The following CYFIP2 variants were observed in gnomAD, a reference collection of about 807,000 sequenced individuals.
CYFIP2 encodes cytoplasmic FMR1-interacting protein 2.
A neutral mutation model predicts 158.7 loss-of-function variants in CYFIP2; 29 were observed. That is an observed-to-expected ratio of 0.18 (90% CI 0.14 to 0.25). The LOEUF is 0.25. CYFIP2 is among the 10% of genes least tolerant of loss of function. The probability of loss-of-function intolerance (pLI) is 1.00; values close to 1 mark genes in which losing one functional copy is unlikely to be tolerated. For missense variants in CYFIP2, 852 were observed against 1,639.5 expected, an observed-to-expected ratio of 0.52 and a Z score of 8.29; for synonymous variants, 585 against 617.6, an observed-to-expected ratio of 0.95 and a Z score of 0.78.
intron 26 of CYFIP2, chr5:157,363,213 G>T (rs1383951064): frequency 6.6e-6 from 1 of 152,206 alleles, no homozygotes; most frequent in African/African-American, 2.4e-5. Flanking sequence ...TCCTACAGGT[G>T]TCGAGGTAAC....
intron 19 of CYFIP2, among the ~76,000 whole-genome samples, chr5:157,330,337 T>C (rs1198740034): frequency 6.6e-6 from 1 of 151,922 alleles, no homozygotes; most frequent in African/African-American, 2.4e-5. Context: ...TGTTACCTAT[T>C]ATCTGAAATT....
chr5:157,315,054 G>A lies in CYFIP2; in HGVS notation c.1316G>A (p.Arg439His). ...GTAEEYERATRYNYTSEEKFA... is the reference protein window; with the variant it reads ...GTAEEYERATHYNYTSEEKFA... ...GCGGAGGAATATGAGAGAGCCACAC[G>A]CTACAATTACACCAGTGAGGAAAAA... is the stretch of plus-strand genomic sequence containing the variant. Residue 439 changes from arginine to histidine, a missense_variant, in exon 13 of 31, where the codon CGC (arginine) becomes CAC (histidine). Physicochemically the swap from Arg to His is conservative, Grantham distance 29. This residue lies in a region of CYFIP2 where 167 missense variants were observed against 343.3 expected (regional missense o/e 0.49). Coordinates refer to ENST00000620254, the MANE Select transcript of CYFIP2 (RefSeq NM_001037333.3). The A allele has an allele frequency of 6.2e-7, 1 of 1,613,258 alleles. No individual in the cohort carries two copies. The highest frequency in any genetic ancestry group is 8.5e-7 in the Non-Finnish European group (1 of 1,179,672).
At chr5:157,329,289 T>C (rs905964254) in intron 19 of CYFIP2, among the ~76,000 whole-genome samples, 9 of 152,188 alleles carry the variant, frequency 5.9e-5, no homozygotes, top group African/African-American at 1.7e-4. Context: ...TAACAGTGAG[T>C]TGAGTTTCTG....
intron 13 of CYFIP2, 58 bp from the exon 14 acceptor site, chr5:157,319,704 A>C: frequency 6.3e-7 from 1 of 1,591,996 alleles, no homozygotes; most frequent in Non-Finnish European, 8.6e-7. Context: ...GGTGATGGGT[A>C]GTAGACAGCT....
At chr5:157,314,860 A>T in intron 12 of CYFIP2, 109 bp from the exon 13 acceptor site, 1 of 888,118 alleles carries the variant, frequency 1.1e-6, no homozygotes, top group Non-Finnish European at 1.7e-6. Context: ...ATGAATCAGT[A>T]CTTTATTCCT....
chr5:157,326,065 G>A, intron 17 of CYFIP2, 106 bp from the exon 18 acceptor site: 1 of 857,874 alleles, frequency 1.2e-6, no homozygotes, highest in Non-Finnish European at 1.9e-6. Flanking sequence ...ATGAAAGATG[G>A]TCTTTTCCTG....
At position 157,394,874 on chromosome 5, in the gene CYFIP2, A is replaced by T. The variant is rs1767622268; in HGVS notation, c.*1874A>T. On this transcript the variant is annotated 3_prime_UTR_variant, in exon 31 of 31. Transcript: ENST00000620254. The stretch of plus-strand genomic sequence containing the variant: ...GATGTGTTCCAGAGGCAAAAGAGAC[A>T]CATTATCCCAGATGGCAGAACATGC... 6.6e-6 allele frequency: 1 copy of T among 152,336 alleles called. No homozygotes were observed. The highest frequency in any genetic ancestry group is 2.4e-5 in the African/African-American group (1 of 41,456). The allele number at this position is 152,336 out of a possible 1,614,324, so 9.4% of individuals were successfully genotyped here.
At chr5:157,310,498 G>A (rs1759620195) in intron 10 of CYFIP2, among the ~76,000 whole-genome samples, 1 of 152,234 alleles carries the variant, frequency 6.6e-6, no homozygotes, top group Admixed American at 6.5e-5. Flanking sequence ...GAGTGTCCTT[G>A]AACTGCATCC....
At chr5:157,338,975 G>A in intron 21 of CYFIP2, 82 bp from the exon 22 acceptor site, 1 of 1,405,152 alleles carries the variant, frequency 7.1e-7, no homozygotes, top group South Asian at 1.4e-5. Context: ...TCACTTGCGT[G>A]AACAGAAGCA....
chr5:157,300,548 A>G (rs1320650430), intron 5 of CYFIP2, among the ~76,000 whole-genome samples, 167 bp from the exon 6 acceptor site: 1 of 151,512 alleles, frequency 6.6e-6, no homozygotes, highest in Non-Finnish European at 1.5e-5. Flanking sequence ...AAAAAAAAAA[A>G]AGAAAAAAAG....
At position 157,307,657 on chromosome 5, in the gene CYFIP2, A is replaced by ATGTATG. The variant is rs1759356952; in HGVS notation, c.796-101_796-100insATGTGT. The stretch of plus-strand genomic sequence containing the variant: ...ACAGGGTGTGTGTGTGTGTGTGTGT[A>ATGTATG]TGTGTGTGTGTGTGTGTGACACATA... On this transcript the variant is annotated intron_variant, in intron 8 of 30. Coordinates refer to ENST00000620254, the MANE Select transcript of CYFIP2 (RefSeq NM_001037333.3). The ATGTATG allele has an allele frequency of 3.4e-5, 9 of 266,728 alleles. No homozygotes were observed. In the African/African-American group the frequency reaches 3.5e-4, roughly 10 times the overall value. The allele number at this position is 266,728 out of a possible 1,614,324, so 16.5% of individuals were successfully genotyped here. A position where few individuals can be genotyped will look rare whatever the true frequency, so the allele number is the denominator to read the frequency against.
chr5:157,363,192 A>G (rs1461589703), intron 26 of CYFIP2: 1 of 152,266 alleles, frequency 6.6e-6, no homozygotes, highest in South Asian at 2.1e-4. Flanking sequence ...TGGTGCTCCC[A>G]GTCGGCCCAG....
intron 20 of CYFIP2, among the ~76,000 whole-genome samples, chr5:157,332,885 A>G (rs543365642): frequency 6.6e-6 from 1 of 152,338 alleles, no homozygotes; most frequent in African/African-American, 2.4e-5. Context: ...GGTTCAAGCT[A>G]TCCTCCTGTT....
At chr5:157,334,267 G>A (rs1376183247) in intron 21 of CYFIP2, among the ~76,000 whole-genome samples, 1 of 152,214 alleles carries the variant, frequency 6.6e-6, no homozygotes, top group Admixed American at 6.5e-5. Context: ...GAGGAAGATG[G>A]TGTTTGATGG....
chr5:157,288,533 T>C, intron 3 of CYFIP2: 1 of 451,238 alleles, frequency 2.2e-6, no homozygotes, highest in South Asian at 1.6e-5. Flanking sequence ...CAAGGGCAGA[T>C]AGGGGCCAGT....
chr5:157,334,887 A>T (rs1207229405), intron 21 of CYFIP2, among the ~76,000 whole-genome samples: 1 of 152,346 alleles, frequency 6.6e-6, no homozygotes, highest in East Asian at 1.9e-4. Context: ...TCATTCAGCT[A>T]ATAGTGTTGT....
intron 29 of CYFIP2, among the ~76,000 whole-genome samples, chr5:157,390,052 C>T (rs1455299142): frequency 6.6e-6 from 1 of 152,188 alleles, no homozygotes; most frequent in East Asian, 1.9e-4. Flanking sequence ...GCCTCAACCC[C>T]AGCAGCATCT....
intron 23 of CYFIP2, 95 bp from the exon 24 acceptor site, chr5:157,358,910 G>A: frequency 6.6e-7 from 1 of 1,516,514 alleles, no homozygotes; most frequent in Non-Finnish European, 9.1e-7. Context: ...GTAACACTGG[G>A]TTCCTAATGC....
At chr5:157,316,794 A>G (rs1177160335) in intron 13 of CYFIP2, among the ~76,000 whole-genome samples, 1 of 152,216 alleles carries the variant, frequency 6.6e-6, no homozygotes, top group Non-Finnish European at 1.5e-5. Flanking sequence ...AAGATAATGG[A>G]TGTAGATGAG....
Sources: gnomAD v4.1 joint callset for allele counts (sites outside exome capture counted in the v4.1 genomes callset) on GRCh38, gnomAD v4.1.1 for gene constraint, gnomAD v4.1.1 regional missense constraint, MANE v1.5 for transcripts, NCBI Gene and HGNC (gene_info 2026-07-23, HGNC 2026-07-21) for gene names.